Variants in CERS6 observed in about 807,000 individuals in gnomAD.
CERS6 encodes the protein LAG1 homolog, ceramide synthase 6.
Under a neutral mutation model 56.8 loss-of-function variants are expected in CERS6, and 26 were observed. That is an observed-to-expected ratio of 0.46 (90% CI 0.34 to 0.63). CERS6 has a LOEUF of 0.63. Ranked by LOEUF, CERS6 falls within the 30% of genes least tolerant of loss-of-function variation. The pLI is 0.01. For missense variants in CERS6, 415 were observed against 467.5 expected (o/e 0.89, Z 1.04); for synonymous variants, 164 against 173.3 (o/e 0.95, Z 0.42).
At chr2:168,532,483 T>C (rs1428278919) in intron 1 of CERS6, among the ~76,000 whole-genome samples, 1 of 152,098 alleles carries the variant, frequency 6.6e-6, no homozygotes, top group Non-Finnish European at 1.5e-5. Context: ...ATCCTTTTTT[T>C]TCTATCTGTA....
intron 3 of CERS6, among the ~76,000 whole-genome samples, chr2:168,594,651 T>C (rs1331566169): frequency 6.6e-6 from 1 of 152,168 alleles, no homozygotes; most frequent in Non-Finnish European, 1.5e-5. Flanking sequence ...GTCTAGTCTC[T>C]GGGATACCTC....
chr2:168,768,859 C>T (rs1300310148), intron 9 of CERS6, among the ~76,000 whole-genome samples: 5 of 145,296 alleles, frequency 3.4e-5, no homozygotes, highest in South Asian at 2.2e-4. Context: ...TGAGTTGGAT[C>T]GCACCAGTGC....
intron 1 of CERS6, among the ~76,000 whole-genome samples, chr2:168,509,282 A>G (rs1164769354): frequency 1.3e-5 from 2 of 152,224 alleles, no homozygotes; most frequent in African/African-American, 4.8e-5. Context: ...AGTAAAACCC[A>G]TGGAGAGCAA....
intron 6 of CERS6, 109 bp from the exon 7 acceptor site, chr2:168,714,892 A>T: frequency 1.1e-6 from 1 of 916,826 alleles, no homozygotes; most frequent in Non-Finnish European, 1.6e-6. Context: ...ATTCATCCTC[A>T]GTGCTAGGTT....
chr2:168,567,419 A>G (rs1422250775), intron 3 of CERS6, among the ~76,000 whole-genome samples: 2 of 152,244 alleles, frequency 1.3e-5, no homozygotes, highest in Admixed American at 6.5e-5. Flanking sequence ...TGCAATTACA[A>G]TTCTGCTGCA....
chr2:168,561,134 G>A, intron 2 of CERS6, 58 bp from the exon 3 acceptor site: 1 of 1,586,368 alleles, frequency 6.3e-7, no homozygotes, highest in Non-Finnish European at 8.6e-7. Flanking sequence ...GGGCAGATCT[G>A]TTTATAGTGA....
chr2:168,572,817 G>C (rs915670569), intron 3 of CERS6, among the ~76,000 whole-genome samples: 9 of 152,072 alleles, frequency 5.9e-5, no homozygotes, highest in Admixed American at 3.9e-4. Flanking sequence ...TGAGTTCTGG[G>C]ACTGTGTCTT....
At chr2:168,658,899 C>T (rs766557475) in intron 4 of CERS6, among the ~76,000 whole-genome samples, 36 of 152,178 alleles carry the variant, frequency 2.4e-4, no homozygotes, top group Non-Finnish European at 3.5e-4. Context: ...CTGTGAGTTA[C>T]ATTTGGCATG....
At chr2:168,762,385 T>C (rs1684608452) in intron 8 of CERS6, among the ~76,000 whole-genome samples, 1 of 152,162 alleles carries the variant, frequency 6.6e-6, no homozygotes, top group Non-Finnish European at 1.5e-5. Context: ...TAAATAATAA[T>C]GGTTATACTG....
At chr2:168,652,824 C>T (rs559796381) in intron 4 of CERS6, among the ~76,000 whole-genome samples, 1 of 152,280 alleles carries the variant, frequency 6.6e-6, no homozygotes, top group East Asian at 1.9e-4. Flanking sequence ...CATCTGGAAG[C>T]CTCACCAATG....
intron 1 of CERS6, among the ~76,000 whole-genome samples, chr2:168,498,243 C>G (rs1435129889): frequency 6.6e-6 from 1 of 152,174 alleles, no homozygotes; most frequent in Admixed American, 6.5e-5. Flanking sequence ...TAATCCCCCT[C>G]CACATCTTCT....
chr2:168,610,053 C>T (rs184779926), intron 3 of CERS6, among the ~76,000 whole-genome samples: 22 of 146,624 alleles, frequency 1.5e-4, no homozygotes. Flanking sequence ...CCTCGGCTCA[C>T]TGCAAGCTCT....
intron 1 of CERS6, among the ~76,000 whole-genome samples, chr2:168,515,062 A>G (rs1574035801): frequency 6.6e-6 from 1 of 152,180 alleles, no homozygotes; most frequent in East Asian, 1.9e-4. Flanking sequence ...GGTTTTTGAT[A>G]TTGGAAGCTA....
chr2:168,481,154 G>A (rs767233880), intron 1 of CERS6, among the ~76,000 whole-genome samples: 65 of 152,310 alleles, frequency 4.3e-4, no homozygotes, highest in Non-Finnish European at 7.8e-4. Context: ...AGTGGCTCAC[G>A]CCTGTAATCC....
chr2:168,549,352 T>C (rs1208124000), intron 2 of CERS6, among the ~76,000 whole-genome samples: 1 of 152,152 alleles, frequency 6.6e-6, no homozygotes, highest in African/African-American at 2.4e-5. Flanking sequence ...GAATACTTGC[T>C]TTGGCTGGGC....
chr2:168,733,999 A>G (rs138343293), intron 8 of CERS6, among the ~76,000 whole-genome samples: 46 of 152,312 alleles, frequency 3.0e-4, no homozygotes, highest in African/African-American at 7.5e-4. Flanking sequence ...GTGAAATTGT[A>G]CATGTTCTCT....
chr2:168,497,047 TA>T (rs1308250473), intron 1 of CERS6, among the ~76,000 whole-genome samples: 1 of 152,194 alleles, frequency 6.6e-6, no homozygotes, highest in African/African-American at 2.4e-5. Context: ...CAGACCTGGA[TA>T]ATTCATCACT....
chr2:168,721,993 A>G (rs1200598697), intron 8 of CERS6, among the ~76,000 whole-genome samples: 1 of 152,134 alleles, frequency 6.6e-6, no homozygotes, highest in African/African-American at 2.4e-5. Context: ...TACTTTCTCT[A>G]CTTCCTTGCC....
At chr2:168,649,986 T>G (rs1456115645) in intron 4 of CERS6, among the ~76,000 whole-genome samples, 6 of 152,132 alleles carry the variant, frequency 3.9e-5, no homozygotes, top group Non-Finnish European at 8.8e-5. Context: ...GATATTAAAC[T>G]GATGGCATGT....
Sources: allele counts gnomAD v4.1 joint callset (sites outside exome capture counted in the v4.1 genomes callset), GRCh38; gene constraint gnomAD v4.1.1; transcripts MANE v1.5; gene names NCBI Gene and HGNC (gene_info 2026-07-23, HGNC 2026-07-21).